LPP: variants seen among roughly 807,000 people sequenced by gnomAD.
The protein encoded by LPP is lipoma-preferred partner.
In LPP, 38 loss-of-function variants were observed where a neutral mutation model predicts 60.4. The ratio of observed to expected loss-of-function variants is 0.63; its 90% CI spans 0.49 to 0.83. The LOEUF (loss-of-function observed/expected upper bound fraction) is 0.83. LPP is among the 40% of genes least tolerant of loss of function. The probability of loss-of-function intolerance (pLI) is 0.00; values close to 1 mark genes in which losing one functional copy is unlikely to be tolerated. For synonymous variants in LPP, 328 were observed against 290.8 expected, an observed-to-expected ratio of 1.13 and a Z score of -1.30; for missense variants, 902 against 783.6, an observed-to-expected ratio of 1.15 and a Z score of -1.80.
chr3:188,358,864 C>G (rs1768388279), intron 3 of LPP, among the ~76,000 whole-genome samples: 2 of 152,172 alleles, frequency 1.3e-5, no homozygotes, highest in Non-Finnish European at 2.9e-5. Flanking sequence ...TCCGCAAAGA[C>G]TAGTCCAAGG....
chr3:188,866,097 G>GGT, intron 9 of LPP, 103 bp from the exon 10 acceptor site: 1 of 836,774 alleles, frequency 1.2e-6, no homozygotes, highest in South Asian at 3.6e-5. Context: ...TCCTTAGAGT[G>GGT]GTGTGATAAG....
chr3:188,311,702 G>A (rs896860387), intron 2 of LPP, among the ~76,000 whole-genome samples: 1 of 151,556 alleles, frequency 6.6e-6, no homozygotes, highest in South Asian at 2.1e-4. Context: ...GCAGTGGCCT[G>A]ATGTTGGCTC....
intron 8 of LPP, among the ~76,000 whole-genome samples, chr3:188,723,549 A>C (rs897350956): frequency 1.3e-5 from 2 of 152,148 alleles, no homozygotes; most frequent in Non-Finnish European, 2.9e-5. Context: ...AAGAGCAGGG[A>C]GACGGCAGAC....
intron 2 of LPP, among the ~76,000 whole-genome samples, chr3:188,294,056 CAAAAAAAAAAAAAAA>C (rs61312510): frequency 5.1e-5 from 2 of 39,420 alleles, no homozygotes; most frequent in East Asian, 8.5e-4. Context: ...CAAACTCTGT[CAAAAAAAAAAAAAAA>C]AAAAAAAAAA....
intron 2 of LPP, among the ~76,000 whole-genome samples, chr3:188,252,981 C>T (rs1188096402): frequency 6.6e-6 from 1 of 151,748 alleles, no homozygotes; most frequent in Non-Finnish European, 1.5e-5. Flanking sequence ...CCATGTTGGC[C>T]AGGCTGGTCT....
At chr3:188,814,517 G>T (rs879494275) in intron 9 of LPP, among the ~76,000 whole-genome samples, 3 of 152,016 alleles carry the variant, frequency 2.0e-5, no homozygotes, top group Non-Finnish European at 2.9e-5. Flanking sequence ...CTGAAATTCC[G>T]CCCAACTGCC....
intron 6 of LPP, among the ~76,000 whole-genome samples, chr3:188,525,720 T>C (rs959037546): frequency 6.6e-6 from 1 of 152,208 alleles, no homozygotes; most frequent in African/African-American, 2.4e-5. Context: ...TGAGACCACT[T>C]TATTTACTTT....
At chr3:188,560,702 T>G (rs371504791) in intron 6 of LPP, among the ~76,000 whole-genome samples, 8 of 152,128 alleles carry the variant, frequency 5.3e-5, no homozygotes, top group African/African-American at 1.9e-4. Context: ...TTTTATGGAA[T>G]TCAAAGTCTA....
rs1771070988 is a variant in LPP, at chr3:188,889,931, A to T, written c.*15452A>T. On this transcript the variant is annotated 3_prime_UTR_variant, in exon 12 of 12. Coordinates refer to ENST00000617246, the MANE Select transcript of LPP (RefSeq NM_001375462.1). The stretch of plus-strand genomic sequence containing the variant: ...TTAGAGGATCAGATTTTAGCGCTGG[A>T]AAATGAGTTCAAAAATTTCAGTGTA... 4.7e-6 allele frequency: 1 copy of T among 212,448 alleles called. No individual in the cohort carries two copies. The highest frequency in any genetic ancestry group is 9.5e-6 in the Non-Finnish European group (1 of 104,908). The allele number at this position is 212,448 out of a possible 1,614,324, so 13.2% of individuals were successfully genotyped here.
chr3:188,330,987 T>C (rs1374103198), intron 2 of LPP, among the ~76,000 whole-genome samples: 1 of 152,150 alleles, frequency 6.6e-6, no homozygotes, highest in African/African-American at 2.4e-5. Flanking sequence ...GAAGACCATT[T>C]AGTCTTCTTA....
intron 6 of LPP, among the ~76,000 whole-genome samples, chr3:188,585,358 A>G (rs1198027336): frequency 6.6e-6 from 1 of 152,122 alleles, no homozygotes; most frequent in Non-Finnish European, 1.5e-5. Flanking sequence ...GTTGGGATCT[A>G]TCAGTTTATT....
At chr3:188,183,774 A>G (rs9863914) in intron 1 of LPP, among the ~76,000 whole-genome samples, 86,766 of 151,498 alleles carry the variant, frequency 0.57, 25,633 homozygotes, top group East Asian at 0.88. Context: ...GGGAGGTTTT[A>G]TGGCCTCCCA....
chr3:188,169,147 C>A (rs1720850340), intron 1 of LPP, among the ~76,000 whole-genome samples: 1 of 152,180 alleles, frequency 6.6e-6, no homozygotes, highest in African/African-American at 2.4e-5. Flanking sequence ...TCAATCTTTT[C>A]TTTTTTCTTC....
At chr3:188,740,368 T>A (rs1317230068) in intron 8 of LPP, among the ~76,000 whole-genome samples, 1 of 152,076 alleles carries the variant, frequency 6.6e-6, no homozygotes, top group Non-Finnish European at 1.5e-5. Flanking sequence ...CTCTGATACA[T>A]TCATATTCTC....
intron 9 of LPP, among the ~76,000 whole-genome samples, chr3:188,794,930 G>A (rs938474556): frequency 1.3e-5 from 2 of 152,148 alleles, no homozygotes; most frequent in Non-Finnish European, 2.9e-5. Flanking sequence ...GAGGTCAGGA[G>A]ATCAAGACCA....
chr3:188,326,232 G>T (rs1758397613), intron 2 of LPP, among the ~76,000 whole-genome samples: 1 of 152,212 alleles, frequency 6.6e-6, no homozygotes, highest in African/African-American at 2.4e-5. Context: ...GCGCACGCTG[G>T]TGATGTGCGT....
At chr3:188,845,325 G>A (rs990836178) in intron 9 of LPP, among the ~76,000 whole-genome samples, 3 of 152,206 alleles carry the variant, frequency 2.0e-5, no homozygotes, top group Admixed American at 6.5e-5. Flanking sequence ...CAGCCCCAGA[G>A]CTGGAAACCT....
chr3:188,380,395 G>GT (rs1776548648), intron 3 of LPP, among the ~76,000 whole-genome samples: 1 of 152,234 alleles, frequency 6.6e-6, no homozygotes. Context: ...TGGGTCACAT[G>GT]TTTGCCTCTG....
At chr3:188,846,702 AAG>A (rs1272176246) in intron 9 of LPP, among the ~76,000 whole-genome samples, 2,607 of 149,906 alleles carry the variant, frequency 0.017, 66 homozygotes, top group African/African-American at 0.061. Context: ...AAAAAAAAAA[AAG>A]AGAGAGAAAA....
Sources: allele counts gnomAD v4.1 joint callset (sites outside exome capture counted in the v4.1 genomes callset), GRCh38; gene constraint gnomAD v4.1.1; transcripts MANE v1.5; gene names NCBI Gene and HGNC (gene_info 2026-07-23, HGNC 2026-07-21).